Variants in FMN1 observed in about 807,000 individuals in gnomAD.
FMN1 encodes formin 1, also known as formin-1.
In FMN1, 110 loss-of-function variants were observed where a neutral mutation model predicts 132.4. That is an observed-to-expected ratio of 0.83 (90% CI 0.71 to 0.97). The LOEUF (loss-of-function observed/expected upper bound fraction) is 0.97. Ranked by LOEUF, FMN1 falls within the 50% of genes least tolerant of loss-of-function variation. The pLI, the probability that FMN1 is intolerant of heterozygous loss-of-function variation, is 0.00. For missense variants in FMN1, 1,792 were observed against 1,705.3 expected, an observed-to-expected ratio of 1.05 and a Z score of -0.90; for synonymous variants, 722 against 651.7, an observed-to-expected ratio of 1.11 and a Z score of -1.64.
chr15:32,853,950 T>C (rs1193281427), intron 17 of FMN1, among the ~76,000 whole-genome samples: 1 of 152,220 alleles, frequency 6.6e-6, no homozygotes, highest in East Asian at 1.9e-4. Flanking sequence ...CTACGGAACA[T>C]GCCTCTAGAC....
At chr15:32,962,655 A>AT in intron 9 of FMN1, among the ~76,000 whole-genome samples, 1 of 150,372 alleles carries the variant, frequency 6.7e-6, no homozygotes, top group Middle Eastern at 3.4e-3. Flanking sequence ...AGAAAAAAAC[A>AT]AACAACCCCA....
At chr15:32,989,792 C>T (rs763124218) in intron 7 of FMN1, among the ~76,000 whole-genome samples, 6 of 151,992 alleles carry the variant, frequency 3.9e-5, no homozygotes, top group Non-Finnish European at 8.8e-5. Context: ...ACCACAGAGC[C>T]CAGATTAACA....
rs1276988518 is a variant in FMN1, at chr15:33,157,378, A to C, written c.-131-2333T>G. ...TAAGAGAGGGAATTTGTATATACTGAGCACATATACACTTATATTTTCATT... is the reference window on the plus strand; with the variant it reads ...TAAGAGAGGGAATTTGTATATACTGCGCACATATACACTTATATTTTCATT... On this transcript the variant is annotated intron_variant, in intron 3 of 20. Coordinates refer to ENST00000616417, the MANE Select transcript of FMN1 (RefSeq NM_001277313.2). Among the ~76,000 whole-genome samples, 4 of 152,152 alleles carry C rather than the reference A, an allele frequency of 2.6e-5. No homozygotes were observed. The East Asian group carries it at 5.8e-4, about 22-fold the overall frequency.
intron 3 of FMN1, among the ~76,000 whole-genome samples, chr15:33,173,976 C>A (rs566344192): frequency 6.6e-6 from 1 of 151,714 alleles, no homozygotes; most frequent in Non-Finnish European, 1.5e-5. Flanking sequence ...AGGAAATAAC[C>A]GAAGGAGCTT....
chr15:33,006,579 T>C (rs1005500894), intron 7 of FMN1, among the ~76,000 whole-genome samples: 3 of 152,178 alleles, frequency 2.0e-5, no homozygotes, highest in Non-Finnish European at 4.4e-5. Flanking sequence ...TGAAGAGATA[T>C]CTACACTCTC....
chr15:33,193,450 C>T (rs568376438), intron 2 of FMN1, among the ~76,000 whole-genome samples: 17 of 152,216 alleles, frequency 1.1e-4, no homozygotes, highest in African/African-American at 3.4e-4. Context: ...CCAATACACA[C>T]GCAAGGGGGC....
intron 4 of FMN1, among the ~76,000 whole-genome samples, chr15:33,101,973 T>C (rs969007097): frequency 2.0e-5 from 3 of 152,150 alleles, no homozygotes; most frequent in Admixed American, 2.0e-4. Context: ...TATACCAGTA[T>C]CTGAAAGACA....
intron 9 of FMN1, among the ~76,000 whole-genome samples, chr15:32,939,448 GA>G (rs1567431264): frequency 3.3e-5 from 5 of 151,476 alleles, no homozygotes; most frequent in South Asian, 2.1e-4. Flanking sequence ...ACATGACAAA[GA>G]TTTTTTTTTT....
chr15:32,862,323 G>A (rs1417533116), intron 16 of FMN1, among the ~76,000 whole-genome samples: 1 of 152,014 alleles, frequency 6.6e-6, no homozygotes, highest in Non-Finnish European at 1.5e-5. Flanking sequence ...GTCACCCCAG[G>A]TTCTCTTTCT....
At chr15:32,862,038 G>A (rs541556698) in intron 16 of FMN1, among the ~76,000 whole-genome samples, 11 of 152,184 alleles carry the variant, frequency 7.2e-5, no homozygotes, top group South Asian at 2.1e-4. Context: ...GCCCTCCGAC[G>A]GTCCCCACAG....
At chr15:32,902,368 C>A (rs1161561066) in intron 12 of FMN1, among the ~76,000 whole-genome samples, 1 of 152,138 alleles carries the variant, frequency 6.6e-6, no homozygotes, top group Non-Finnish European at 1.5e-5. Flanking sequence ...AAGCCCCAGT[C>A]TTTAACACAC....
rs3812929 is a variant in FMN1 at position 32,766,862 on chromosome 15, A to C, written c.*7448T>G. The C allele has an allele frequency of 0.39, 59,274 of 152,170 alleles. 12,108 individuals carry two copies. Among genetic ancestry groups the C allele is most frequent in the Middle Eastern group, 0.54 (159 of 294 alleles). 9.4% of individuals were successfully genotyped at this position (152,170 alleles called of 1,614,324 possible). On this transcript the variant is annotated 3_prime_UTR_variant, in exon 21 of 21. Transcript: ENST00000616417. ...CCATGGAATATGAAGGAAAAGGACG[A>C]GGAAACAGAAGTATTGAAAGAAGAA...
chr15:32,800,249 T>C (rs2057432806), intron 18 of FMN1, among the ~76,000 whole-genome samples: 3 of 152,228 alleles, frequency 2.0e-5, no homozygotes, highest in African/African-American at 7.2e-5. Context: ...CTGTTTTTAA[T>C]GCAAATTAAA....
intron 6 of FMN1, among the ~76,000 whole-genome samples, chr15:33,032,198 G>A (rs993184460): frequency 2.0e-5 from 3 of 152,194 alleles, no homozygotes; most frequent in African/African-American, 7.2e-5. Flanking sequence ...GAGAAAAGCA[G>A]ACTACCTTTT....
At chr15:32,832,400 C>T (rs2058523223) in intron 17 of FMN1, among the ~76,000 whole-genome samples, 1 of 152,064 alleles carries the variant, frequency 6.6e-6, no homozygotes, top group South Asian at 2.1e-4. Flanking sequence ...CTATGGCTTC[C>T]CTAATTTTTC....
chr15:32,816,613 CA>C (rs1290279731), intron 17 of FMN1, among the ~76,000 whole-genome samples: 1 of 152,012 alleles, frequency 6.6e-6, no homozygotes, highest in Middle Eastern at 3.2e-3. Flanking sequence ...TAGTTTTGGG[CA>C]AAAAAGAAAG....
At chr15:33,116,594 T>C (rs960499765) in intron 4 of FMN1, among the ~76,000 whole-genome samples, 1 of 152,200 alleles carries the variant, frequency 6.6e-6, no homozygotes, top group Non-Finnish European at 1.5e-5. Flanking sequence ...TTTTAATTTT[T>C]TAACACCTCC....
chr15:32,858,533 G>A (rs934182507), intron 16 of FMN1, among the ~76,000 whole-genome samples: 21 of 152,158 alleles, frequency 1.4e-4, no homozygotes, highest in African/African-American at 2.4e-4. Flanking sequence ...CAGGGGTACC[G>A]AAATTCAAGC....
chr15:33,020,665 G>A (rs2035371916), intron 6 of FMN1, among the ~76,000 whole-genome samples: 1 of 150,232 alleles, frequency 6.7e-6, no homozygotes. Context: ...AAGACACTAT[G>A]CTTAGTTAGC....
Sources: gnomAD v4.1 joint callset for allele counts (sites outside exome capture counted in the v4.1 genomes callset) on GRCh38, gnomAD v4.1.1 for gene constraint, MANE v1.5 for transcripts, NCBI Gene and HGNC (gene_info 2026-07-23, HGNC 2026-07-21) for gene names.